The following MKLN1 variants were observed in gnomAD, a reference collection of about 807,000 sequenced individuals.
MKLN1 encodes the protein muskelin.
MKLN1 carries 18 observed loss-of-function variants against 99.0 expected under a neutral mutation model. The observed-to-expected ratio is 0.18, with a 90% confidence interval of 0.13 to 0.27. The LOEUF is 0.27. MKLN1 is among the 10% of genes least tolerant of loss of function. The pLI is 1.00. For missense variants in MKLN1, 621 were observed against 875.9 expected (o/e 0.71, Z 3.67); for synonymous variants, 288 against 293.2 (o/e 0.98, Z 0.18).
intron 3 of MKLN1, among the ~76,000 whole-genome samples, chr7:131,316,612 G>A (rs1358666760): frequency 6.6e-6 from 1 of 152,104 alleles, no homozygotes; most frequent in Non-Finnish European, 1.5e-5. Context: ...TGAGATTAAC[G>A]AATTGACAGA....
intron 1 of MKLN1, among the ~76,000 whole-genome samples, chr7:131,138,793 A>T (rs888944939): frequency 1.3e-5 from 2 of 152,284 alleles, no homozygotes; most frequent in Middle Eastern, 3.4e-3. Flanking sequence ...GATGTTTACC[A>T]ATGTTCTTTA....
intron 2 of MKLN1, among the ~76,000 whole-genome samples, chr7:131,157,012 C>T (rs1306248896): frequency 6.6e-6 from 1 of 152,156 alleles, no homozygotes; most frequent in African/African-American, 2.4e-5. Flanking sequence ...GTCATTGTCG[C>T]CGCTACTGAG....
At chr7:131,206,226 A>T (rs1299315456) in intron 3 of MKLN1, among the ~76,000 whole-genome samples, 1 of 152,198 alleles carries the variant, frequency 6.6e-6, no homozygotes, top group African/African-American at 2.4e-5. Context: ...GTTTGGGCCA[A>T]GCCCTCTGGG....
At chr7:131,178,673 T>C (rs577382029) in intron 2 of MKLN1, among the ~76,000 whole-genome samples, 1 of 152,266 alleles carries the variant, frequency 6.6e-6, no homozygotes, top group African/African-American at 2.4e-5. Flanking sequence ...TTTATTTTGT[T>C]TTGCTTTTTT....
intron 1 of MKLN1, among the ~76,000 whole-genome samples, chr7:131,125,008 G>A (rs889309679): frequency 2.0e-5 from 3 of 152,144 alleles, no homozygotes; most frequent in Non-Finnish European, 4.4e-5. Context: ...TTCATAGCCC[G>A]TGCTCTAGGG....
chr7:131,374,444 A>G (rs1793572718), intron 1 of MKLN1, among the ~76,000 whole-genome samples: 1 of 152,174 alleles, frequency 6.6e-6, no homozygotes, highest in Admixed American at 6.5e-5. Flanking sequence ...ATTCTAATCC[A>G]GTATCACAGG....
intron 10 of MKLN1, among the ~76,000 whole-genome samples, chr7:131,439,917 C>G (rs1313568906): frequency 4.7e-5 from 6 of 128,350 alleles, no homozygotes; most frequent in Non-Finnish European, 1.0e-4. Context: ...CACACACACA[C>G]AGTCTCTCTC....
At position 131,405,477 on chromosome 7, in the gene MKLN1, G is replaced by T. The variant is rs949589466; in HGVS notation, c.704-5829G>T. ...CTTGACTTATGCTCTGTTTACTGTT[G>T]TCTTCCTTCTCTTTTTGAGATTAAT... On this transcript the variant is annotated intron_variant, in intron 6 of 17. Transcript: ENST00000352689. Among the ~76,000 whole-genome samples the T allele has an allele frequency of 1.2e-4, 18 of 151,960 alleles. No individual in the cohort carries two copies. In the East Asian group the frequency reaches 2.3e-3, roughly 20 times the overall value.
chr7:131,373,774 C>T (rs1184271270), intron 1 of MKLN1, among the ~76,000 whole-genome samples: 1 of 152,186 alleles, frequency 6.6e-6, no homozygotes, highest in Non-Finnish European at 1.5e-5. Flanking sequence ...AAGATGTCAA[C>T]ATTGGTACAC....
chr7:131,399,512 G>A (rs1166065636), intron 6 of MKLN1, 79 bp downstream of exon 6: 3 of 1,204,540 alleles, frequency 2.5e-6, no homozygotes, highest in Admixed American at 2.2e-5. Context: ...ATAGGCTTAT[G>A]CCAGTTATTA....
intron 1 of MKLN1, among the ~76,000 whole-genome samples, chr7:131,369,039 AG>A (rs1034412033): frequency 2.0e-5 from 3 of 152,000 alleles, no homozygotes; most frequent in Non-Finnish European, 2.9e-5. Context: ...TGTATATAAC[AG>A]GTTTTTAAAA....
rs1562892074 is a variant in MKLN1 at position 131,489,711 on chromosome 7, A to C, written c.*1983A>C. 1 of 152,116 alleles carries C rather than the reference A, an allele frequency of 6.6e-6. No homozygotes were observed. The highest frequency in any genetic ancestry group is 1.5e-5 in the Non-Finnish European group (1 of 67,990). The allele number at this position is 152,116 out of a possible 1,614,324, so 9.4% of individuals were successfully genotyped here. ...ACCATTTATTTTTACAGTGCTTTGT[A>C]ATTTTTTTCATCAGTTCCTTAAATG... is the stretch of plus-strand genomic sequence containing the variant. On this transcript the variant is annotated 3_prime_UTR_variant, in exon 18 of 18. Transcript: ENST00000352689.
chr7:131,452,156 A>C (rs1796196987), intron 12 of MKLN1, among the ~76,000 whole-genome samples: 1 of 152,208 alleles, frequency 6.6e-6, no homozygotes, highest in Non-Finnish European at 1.5e-5. Context: ...TAGCAAATTG[A>C]GAATCAGAAG....
chr7:131,170,556 C>T (rs1432073913), intron 2 of MKLN1, among the ~76,000 whole-genome samples: 1 of 152,180 alleles, frequency 6.6e-6, no homozygotes, highest in African/African-American at 2.4e-5. Flanking sequence ...AAGTCTGAAA[C>T]ATCTGAGAGA....
chr7:131,149,887 C>T (rs1795865051), intron 2 of MKLN1, among the ~76,000 whole-genome samples: 1 of 152,182 alleles, frequency 6.6e-6, no homozygotes, highest in Non-Finnish European at 1.5e-5. Flanking sequence ...AATTAAAACA[C>T]TGTGTATTCC....
At chr7:131,156,187 A>G (rs1282388442) in intron 2 of MKLN1, among the ~76,000 whole-genome samples, 1 of 152,112 alleles carries the variant, frequency 6.6e-6, no homozygotes, top group Admixed American at 6.6e-5. Context: ...GCATCAACCT[A>G]ATACAATAGT....
At chr7:131,478,806 T>C in intron 17 of MKLN1, 129 bp downstream of exon 17, 1 of 1,148,662 alleles carries the variant, frequency 8.7e-7, no homozygotes, top group Non-Finnish European at 1.3e-6. Context: ...AGTTTCAAGG[T>C]ATCATGCAAA....
intron 2 of MKLN1, among the ~76,000 whole-genome samples, chr7:131,385,644 C>T (rs921847821): frequency 6.6e-6 from 1 of 152,024 alleles, no homozygotes; most frequent in African/African-American, 2.4e-5. Context: ...TTTTCATGTG[C>T]CTGTTGGCCA....
In MKLN1 at chr7:131,488,985, T is replaced by TA. The variant is rs771952847; in HGVS notation, c.*1258dup. On this transcript the variant is annotated 3_prime_UTR_variant, in exon 18 of 18. Coordinates refer to ENST00000352689, the MANE Select transcript of MKLN1 (RefSeq NM_013255.5). ...GGGAAACCTACATCTGGCTAGTGCTTACATTTGCTCAAAAAGCATGTTGTA... is the reference window on the plus strand; with the variant it reads ...GGGAAACCTACATCTGGCTAGTGCTTAACATTTGCTCAAAAAGCATGTTGTA... 2 of 152,156 alleles carry TA rather than the reference T, an allele frequency of 1.3e-5. No individual in the cohort carries two copies. The highest frequency in any genetic ancestry group is 4.8e-5 in the African/African-American group (2 of 41,450). 9.4% of individuals were successfully genotyped at this position (152,156 alleles called of 1,614,324 possible). A position where few individuals can be genotyped will look rare whatever the true frequency, so the allele number is the denominator to read the frequency against.
Sources: gnomAD v4.1 joint callset for allele counts (sites outside exome capture counted in the v4.1 genomes callset) on GRCh38, gnomAD v4.1.1 for gene constraint, MANE v1.5 for transcripts, NCBI Gene and HGNC (gene_info 2026-07-23, HGNC 2026-07-21) for gene names.